FRY: variants seen among roughly 807,000 people sequenced by gnomAD.
FRY encodes the protein protein furry homolog.
A neutral mutation model predicts 348.4 loss-of-function variants in FRY; 128 were observed. The ratio of observed to expected loss-of-function variants is 0.37; its 90% CI spans 0.32 to 0.43. The LOEUF (loss-of-function observed/expected upper bound fraction) is 0.43, where lower values mean the gene tolerates loss of function less well. Ranked by LOEUF, FRY falls within the 20% of genes least tolerant of loss-of-function variation. FRY has a pLI of 1.00. For missense variants in FRY, 2,736 were observed against 3,695.2 expected (o/e 0.74, Z 6.73); for synonymous variants, 1,370 against 1,374.7 (o/e 1.00, Z 0.08).
intron 1 of FRY, among the ~76,000 whole-genome samples, chr13:32,047,585 G>GT (rs892961503): frequency 2.0e-5 from 3 of 148,956 alleles, no homozygotes; most frequent in Admixed American, 6.7e-5. Context: ...TTTTTTTGGG[G>GT]GGGGTGCAGA....
At chr13:32,104,090 G>T (rs756392753) in intron 3 of FRY, among the ~76,000 whole-genome samples, 8 of 151,910 alleles carry the variant, frequency 5.3e-5, no homozygotes, top group Non-Finnish European at 1.0e-4. Flanking sequence ...CCAGCTTAAT[G>T]TACCTCTCTT....
intron 3 of FRY, among the ~76,000 whole-genome samples, chr13:32,106,710 G>A (rs1321253865): frequency 6.6e-6 from 1 of 152,156 alleles, no homozygotes; most frequent in African/African-American, 2.4e-5. Flanking sequence ...TATAAGAAAG[G>A]TGGAGAAATT....
chr13:32,278,895 G>T (rs1183850974), intron 58 of FRY, among the ~76,000 whole-genome samples: 1 of 152,150 alleles, frequency 6.6e-6, no homozygotes, highest in African/African-American at 2.4e-5. Context: ...CTTTAATGAA[G>T]GAAGTTTCTC....
intron 28 of FRY, among the ~76,000 whole-genome samples, chr13:32,190,868 A>G (rs991248203): frequency 1.3e-5 from 2 of 152,206 alleles, no homozygotes; most frequent in Non-Finnish European, 2.9e-5. Context: ...GAACACTATA[A>G]TCAAAGTGAG....
At position 32,262,481 on chromosome 13, in the gene FRY, G is replaced by A; in HGVS notation, c.7779+6G>A. 1 of 1,608,072 alleles carries A rather than the reference G, an allele frequency of 6.2e-7. No homozygotes were observed. The highest frequency in any genetic ancestry group is 8.5e-7 in the Non-Finnish European group (1 of 1,174,626). On this transcript the variant is annotated splice_donor_region_variant and intron_variant, in intron 53 of 60. Transcript: ENST00000542859. ...AGATTTCTGAGGGTTCAAAGGTGAA[G>A]AGATTTTAACAATGATGATTTGTAC...
intron 58 of FRY, among the ~76,000 whole-genome samples, chr13:32,285,625 G>T (rs185948886): frequency 6.6e-6 from 1 of 152,212 alleles, no homozygotes; most frequent in East Asian, 1.9e-4. Flanking sequence ...TTATAACCTC[G>T]TTTTGGAAAG....
chr13:32,150,070 A>T (rs204559), intron 14 of FRY, among the ~76,000 whole-genome samples: 109,790 of 152,194 alleles, frequency 0.72, 40,303 homozygotes, highest in East Asian at 0.98. Context: ...TGTTCTTGTA[A>T]AACAAAGTAA....
intron 1 of FRY, among the ~76,000 whole-genome samples, chr13:32,071,408 C>A (rs1874650169): frequency 6.6e-6 from 1 of 152,110 alleles, no homozygotes; most frequent in Non-Finnish European, 1.5e-5. Context: ...ATTTGTAGTT[C>A]TCCTTGAAGA....
intron 2 of FRY, among the ~76,000 whole-genome samples, chr13:32,099,944 T>G (rs867659949): frequency 6.6e-5 from 10 of 152,158 alleles, no homozygotes; most frequent in Middle Eastern, 3.4e-3. Flanking sequence ...GAGAACTAGA[T>G]GTGGTGCAAG....
chr13:32,218,898 T>A, intron 36 of FRY, 67 bp downstream of exon 36: 2 of 877,050 alleles, frequency 2.3e-6, no homozygotes, highest in Admixed American at 3.5e-5. Flanking sequence ...AAATGAGTGT[T>A]CTGATTGTTC....
At chr13:32,158,838 A>G (rs1881264587) in intron 16 of FRY, among the ~76,000 whole-genome samples, 1 of 151,696 alleles carries the variant, frequency 6.6e-6, no homozygotes, top group South Asian at 2.1e-4. Context: ...GAATTGCTTG[A>G]ACCCGGGAGG....
rs1270763986 is a variant in FRY at position 32,213,828 on chromosome 13, TG to T, written c.4682+1448del. Among the ~76,000 whole-genome samples the T allele has an allele frequency of 2.6e-5, 4 of 152,358 alleles. No homozygotes were observed. In the East Asian group the frequency reaches 5.8e-4, roughly 22 times the overall value. ...TGAGTGTCCTGCCTAGAGGTTTTAGTGGTGCCTTTGAACTTAAGAAGCCAGT... is the reference window on the plus strand; with the variant it reads ...TGAGTGTCCTGCCTAGAGGTTTTAGTGTGCCTTTGAACTTAAGAAGCCAGT... On this transcript the variant is annotated intron_variant, in intron 35 of 60. Coordinates refer to ENST00000542859, the MANE Select transcript of FRY (RefSeq NM_023037.3).
chr13:32,164,438 C>T (rs567418768), intron 17 of FRY, among the ~76,000 whole-genome samples: 20 of 152,276 alleles, frequency 1.3e-4, no homozygotes, highest in Non-Finnish European at 2.2e-4. Context: ...CTGTGTGTCC[C>T]ACACAGCTGC....
At chr13:32,106,055 A>G (rs1023371889) in intron 3 of FRY, among the ~76,000 whole-genome samples, 23 of 148,106 alleles carry the variant, frequency 1.6e-4, no homozygotes, top group Non-Finnish European at 2.7e-4. Context: ...TATATTAAAT[A>G]TAATATAATA....
At chr13:32,046,832 A>G (rs946279404) in intron 1 of FRY, among the ~76,000 whole-genome samples, 1 of 152,196 alleles carries the variant, frequency 6.6e-6, no homozygotes, top group Non-Finnish European at 1.5e-5. Flanking sequence ...AGATTCATTA[A>G]TTTTTATGTA....
At chr13:32,286,747 CAAAAAAAAAAAAAAAA>C (rs6144991) in intron 58 of FRY, among the ~76,000 whole-genome samples, 10 of 77,512 alleles carry the variant, frequency 1.3e-4, no homozygotes, top group African/African-American at 2.9e-4. Flanking sequence ...GACTCTGTCT[CAAAAAAAAAAAAAAAA>C]AAAAAAAAAA....
At chr13:32,209,385 A>G (rs1884548600) in intron 32 of FRY, among the ~76,000 whole-genome samples, 200 bp from the exon 33 acceptor site, 1 of 152,242 alleles carries the variant, frequency 6.6e-6, no homozygotes. Flanking sequence ...AAAAACTCAC[A>G]TGAATAGGTA....
chr13:32,173,141 C>A (rs1882187531), intron 18 of FRY, among the ~76,000 whole-genome samples: 1 of 152,058 alleles, frequency 6.6e-6, no homozygotes, highest in Non-Finnish European at 1.5e-5. Flanking sequence ...TCAGAAGTAA[C>A]AGATGGTTGA....
chr13:32,122,920 A>G lies in FRY; in HGVS notation c.465-1366A>G, dbSNP rs1482325738. Among the ~76,000 whole-genome samples, 5 of 150,418 alleles carry G rather than the reference A, an allele frequency of 3.3e-5. No homozygotes were observed. The East Asian group carries it at 9.7e-4, about 29-fold the overall frequency. On this transcript the variant is annotated intron_variant, in intron 4 of 60. Transcript: ENST00000542859. The stretch of plus-strand genomic sequence containing the variant: ...GACTAAGCGGAGAATCAAATCAATA[A>G]CTCAACCCCTTTTACAATAGCTGCA...
Sources: allele counts gnomAD v4.1 joint callset (sites outside exome capture counted in the v4.1 genomes callset), GRCh38; gene constraint gnomAD v4.1.1; transcripts MANE v1.5; gene names NCBI Gene and HGNC (gene_info 2026-07-23, HGNC 2026-07-21).